ZFR2: variants seen among roughly 807,000 people sequenced by gnomAD.
ZFR2 encodes the protein zinc finger RNA-binding protein 2.
ZFR2 carries 104 observed loss-of-function variants against 105.7 expected under a neutral mutation model. The ratio of observed to expected loss-of-function variants is 0.98; its 90% CI spans 0.84 to 1.16. The LOEUF is 1.16. Ranked by LOEUF, ZFR2 falls within the 50% of genes most tolerant of loss-of-function variation. The pLI is 0.00. For synonymous variants in ZFR2, 634 were observed against 597.7 expected (o/e 1.06, Z -0.89); for missense variants, 1,425 against 1,355.5 (o/e 1.05, Z -0.80).
At chr19:3,817,324 C>T (rs931555847) in intron 12 of ZFR2, among the ~76,000 whole-genome samples, 24 of 151,886 alleles carry the variant, frequency 1.6e-4, no homozygotes, top group Middle Eastern at 3.4e-3. Flanking sequence ...TTTGGGAGGC[C>T]GAGGTGGGCA....
intron 12 of ZFR2, among the ~76,000 whole-genome samples, chr19:3,818,789 C>T (rs147294814): frequency 1.4e-4 from 22 of 152,354 alleles, no homozygotes; most frequent in East Asian, 1.9e-4. Flanking sequence ...TTTTTAGATG[C>T]GCCTTCAATA....
intron 3 of ZFR2, among the ~76,000 whole-genome samples, chr19:3,832,833 C>T (rs1437468992): frequency 6.6e-6 from 1 of 151,462 alleles, no homozygotes; most frequent in Non-Finnish European, 1.5e-5. Context: ...AGACGGGGGT[C>T]TTACTATGTT....
chr19:3,828,118 C>A (rs951937342), intron 5 of ZFR2, among the ~76,000 whole-genome samples: 2 of 151,492 alleles, frequency 1.3e-5, no homozygotes, highest in African/African-American at 4.8e-5. Context: ...CCGCGCCCAG[C>A]CTATCTTCTT....
chr19:3,864,556 G>A (rs779692949), intron 1 of ZFR2, among the ~76,000 whole-genome samples: 4 of 152,198 alleles, frequency 2.6e-5, no homozygotes, highest in Admixed American at 1.3e-4. Flanking sequence ...GAAAGGTAAC[G>A]GCAGAGGCCT....
At chr19:3,865,287 A>T (rs973068546) in intron 1 of ZFR2, among the ~76,000 whole-genome samples, 1 of 152,226 alleles carries the variant, frequency 6.6e-6, no homozygotes, top group Admixed American at 6.5e-5. Flanking sequence ...CAGTTCAGAT[A>T]CCAACCCTAT....
rs1379563264 is a variant in ZFR2 at position 3,838,125 on chromosome 19, C to T, written c.54-3142G>A. On this transcript the variant is annotated intron_variant, in intron 1 of 18. Coordinates refer to ENST00000262961, the MANE Select transcript of ZFR2 (RefSeq NM_015174.2). The surrounding 1 kb of genome is among the most constrained non-coding windows in gnomAD (Gnocchi z 4.9). ...CGTGACCGTGACACTCGATGAACAC[C>T]GTGACTGTGACACACAATGAACACC... 2.0e-5 allele frequency among the ~76,000 whole-genome samples: 3 copies of T among 151,152 alleles called. No individual in the cohort carries two copies. Among genetic ancestry groups the T allele is most frequent in the African/African-American group, 4.9e-5 (2 of 41,016 alleles).
chr19:3,810,219 G>A (rs532878376), intron 16 of ZFR2, among the ~76,000 whole-genome samples: 106 of 152,360 alleles, frequency 7.0e-4, no homozygotes, highest in African/African-American at 2.5e-3. Context: ...TGGAGAAGGT[G>A]TGGGGACTGG....
At chr19:3,863,153 C>T (rs1396500867) in intron 1 of ZFR2, among the ~76,000 whole-genome samples, 4 of 152,208 alleles carry the variant, frequency 2.6e-5, no homozygotes, top group South Asian at 2.1e-4. Context: ...GGAGGGCGAG[C>T]GTGGCGTCTG....
rs562393833 is a variant in ZFR2, at chr19:3,841,008, G to A, written c.54-6025C>T. On this transcript the variant is annotated intron_variant, in intron 1 of 18. Transcript: ENST00000262961. ...CATACACACACACATGTGCATGAGTGAAGAAGCACATGGTGACTCGGTGCC... is the reference window on the plus strand; with the variant it reads ...CATACACACACACATGTGCATGAGTAAAGAAGCACATGGTGACTCGGTGCC... Among the ~76,000 whole-genome samples, 13 of 152,312 alleles carry A rather than the reference G, an allele frequency of 8.5e-5. No homozygotes were observed. In the South Asian group the frequency reaches 2.7e-3, roughly 32 times the overall value.
intron 14 of ZFR2, 79 bp from the exon 15 acceptor site, chr19:3,811,445 T>C: frequency 2.2e-6 from 3 of 1,375,350 alleles, no homozygotes; most frequent in Non-Finnish European, 2.0e-6. Flanking sequence ...GGGGCTCAGT[T>C]TGGGCCCCTC....
intron 1 of ZFR2, among the ~76,000 whole-genome samples, chr19:3,841,532 A>G (rs2145171618): frequency 6.6e-6 from 1 of 152,226 alleles, no homozygotes; most frequent in East Asian, 1.9e-4. Context: ...AAAAAATAAA[A>G]AAAAATTAGC....
rs774692924 is a variant in ZFR2, at chr19:3,813,844, G to A, written c.2218C>T (p.Arg740Trp). The change falls in exon 14 of 19, where the codon CGG (arginine) becomes TGG (tryptophan). Residue 740 changes from arginine to tryptophan, a missense_variant. Arg to Trp is a moderately radical substitution (Grantham distance 101). Transcript: ENST00000262961. The surrounding 1 kb of genome is among the most constrained non-coding windows in gnomAD (Gnocchi z 4.4). Reference sequence around the variant, plus strand: ...CCTGGGTCTGTGGAGGGGTCCTCCCGCATCAGAGGTGAGGTGACAGATATG... The same window carrying A: ...CCTGGGTCTGTGGAGGGGTCCTCCCACATCAGAGGTGAGGTGACAGATATG... ...VTISVTSPLM[R>W]EDPSTDPGVE... 140 of 1,613,710 alleles carry A rather than the reference G, an allele frequency of 8.7e-5. No homozygotes were observed. The highest frequency in any genetic ancestry group is 6.6e-4 in the Middle Eastern group (4 of 6,074).
At chr19:3,815,193 G>C (rs1330535936) in intron 13 of ZFR2, among the ~76,000 whole-genome samples, 1 of 152,064 alleles carries the variant, frequency 6.6e-6, no homozygotes, top group Non-Finnish European at 1.5e-5. Flanking sequence ...GGGCTCAAAT[G>C]GTTCCCCTCC....
At chr19:3,852,123 A>C (rs1044133717) in intron 1 of ZFR2, 2 of 353,330 alleles carry the variant, frequency 5.7e-6, no homozygotes, top group East Asian at 7.4e-5. Flanking sequence ...TCTTCTGGCC[A>C]AGGCGGGGCT....
intron 3 of ZFR2, chr19:3,833,402 C>T (rs571798216): frequency 6.0e-5 from 20 of 333,226 alleles, no homozygotes; most frequent in Non-Finnish European, 9.2e-5. Flanking sequence ...CTGTGAAACC[C>T]CGTCTCTACT....
chr19:3,822,172 C>T lies in ZFR2; in HGVS notation c.1400G>A (p.Arg467His). The change falls in exon 9 of 19, where the codon CGC becomes CAC. Residue 467 changes from arginine (R) to histidine (H), a missense_variant. Transcript: ENST00000262961. ...EVFSDEGRVL[R>H]FHCKLCECSF... is the part of the protein sequence containing the mutation. ...GCACTCGCACAGCTTGCAGTGGAAG[C>T]GAAGCACTCGCCCTTCGTCGCTGAA... The T allele has an allele frequency of 4.4e-6, 7 of 1,604,646 alleles. No homozygotes were observed. The highest frequency in any genetic ancestry group is 6.0e-6 in the Non-Finnish European group (7 of 1,176,098).
At chr19:3,865,810 G>A (rs8110572) in intron 1 of ZFR2, among the ~76,000 whole-genome samples, 19,482 of 152,010 alleles carry the variant, frequency 0.13, 1,570 homozygotes, top group East Asian at 0.24. Context: ...TATCTCATCA[G>A]TTTTCTCATG....
At chr19:3,853,872 A>C in intron 1 of ZFR2, among the ~76,000 whole-genome samples, 1 of 151,976 alleles carries the variant, frequency 6.6e-6, no homozygotes, top group East Asian at 1.9e-4. Context: ...AGCACAGTTC[A>C]AGACCAGCCT....
intron 1 of ZFR2, among the ~76,000 whole-genome samples, chr19:3,865,715 C>G (rs1409085442): frequency 6.6e-6 from 1 of 152,158 alleles, no homozygotes; most frequent in Non-Finnish European, 1.5e-5. Flanking sequence ...AAATGAATTG[C>G]TGCCTTTGTT....
Sources: allele counts gnomAD v4.1 joint callset (sites outside exome capture counted in the v4.1 genomes callset), GRCh38; gene constraint gnomAD v4.1.1; non-coding constraint Gnocchi (gnomAD v3.1); transcripts MANE v1.5; gene names NCBI Gene and HGNC (gene_info 2026-07-23, HGNC 2026-07-21).